The following FRMPD1 variants were observed in gnomAD, a reference collection of about 807,000 sequenced individuals.
FRMPD1 encodes the protein FERM and PDZ domain-containing protein 1.
In FRMPD1, 76 loss-of-function variants were observed where a neutral mutation model predicts 117.8. The ratio of observed to expected loss-of-function variants is 0.65; its 90% CI spans 0.54 to 0.78. The LOEUF is 0.78. Ranked by LOEUF, FRMPD1 falls within the 30% of genes least tolerant of loss-of-function variation. The pLI, the probability that FRMPD1 is intolerant of heterozygous loss-of-function variation, is 0.00. For synonymous variants in FRMPD1, 783 were observed against 770.4 expected (o/e 1.02, Z -0.27); for missense variants, 1,786 against 1,964.5 (o/e 0.91, Z 1.72).
intron 6 of FRMPD1, among the ~76,000 whole-genome samples, chr9:37,720,161 G>T (rs1823330088): frequency 6.6e-6 from 1 of 152,246 alleles, no homozygotes; most frequent in Non-Finnish European, 1.5e-5. Context: ...ATAGACTTGA[G>T]TGAGAAAGGT....
chr9:37,686,158 A>G (rs1821934102), intron 1 of FRMPD1, among the ~76,000 whole-genome samples: 1 of 152,202 alleles, frequency 6.6e-6, no homozygotes, highest in African/African-American at 2.4e-5. Flanking sequence ...ATTACAAGGA[A>G]CTGTTGAAGG....
chr9:37,635,994 C>G, the FRMPD1 span, among the ~76,000 whole-genome samples: 1 of 152,180 alleles, frequency 6.6e-6, no homozygotes, highest in Admixed American at 6.5e-5. Flanking sequence ...GGGCAGGCAG[C>G]GCGTGGGTCT....
intron 4 of FRMPD1, among the ~76,000 whole-genome samples, chr9:37,710,987 G>A (rs1479441866): frequency 5.3e-5 from 8 of 151,240 alleles, no homozygotes; most frequent in Non-Finnish European, 1.2e-4. Flanking sequence ...AAAATTGGGG[G>A]ACATAAATCT....
intron 1 of FRMPD1, among the ~76,000 whole-genome samples, chr9:37,679,299 TC>T (rs1172187703): frequency 6.6e-6 from 1 of 152,214 alleles, no homozygotes; most frequent in African/African-American, 2.4e-5. Context: ...GGCTTTGAGG[TC>T]ATGTTTCTAA....
chr9:37,604,865 G>T, the FRMPD1 span, among the ~76,000 whole-genome samples: 1 of 152,200 alleles, frequency 6.6e-6, no homozygotes, highest in Admixed American at 6.5e-5. Flanking sequence ...CCCCAAAACA[G>T]TAATAGTTAG....
At chr9:37,631,116 G>A in the FRMPD1 span, among the ~76,000 whole-genome samples, 1 of 152,176 alleles carries the variant, frequency 6.6e-6, no homozygotes, top group Non-Finnish European at 1.5e-5. Context: ...GATGTCGCCT[G>A]GGTCTTGAAG....
chr9:37,742,607 CTA>C (rs1412791366), intron 15 of FRMPD1, among the ~76,000 whole-genome samples: 1 of 152,138 alleles, frequency 6.6e-6, no homozygotes, highest in Non-Finnish European at 1.5e-5. Context: ...TGTTTAAAAA[CTA>C]TAGATTTGGC....
At chr9:37,657,778 A>C (rs1307530943) in intron 1 of FRMPD1, among the ~76,000 whole-genome samples, 1 of 152,124 alleles carries the variant, frequency 6.6e-6, no homozygotes, top group Non-Finnish European at 1.5e-5. Context: ...TATTTTAGCT[A>C]CCAGCATAGA....
Position 37,733,539 on chromosome 9 carries a change from C to G in FRMPD1, c.1062C>G (p.Ile354Met). Residue 354 changes from isoleucine to methionine, a missense_variant, in exon 11 of 16, where the codon ATC becomes ATG. Physicochemically the swap from Ile to Met is conservative, Grantham distance 10. Transcript: ENST00000377765. Reference sequence around the variant, plus strand: ...TCCGAAACATGAAAGGCAAAGACATCAAGAAAGCCATTAGCTTCCACATGA... The same window carrying G: ...TCCGAAACATGAAAGGCAAAGACATGAAGAAAGCCATTAGCTTCCACATGA... Reference protein sequence around the residue: ...TLLRNMKGKDIKKAISFHMKR... With the variant: ...TLLRNMKGKDMKKAISFHMKR... The G allele has an allele frequency of 6.2e-7, 1 of 1,613,588 alleles. No homozygotes were observed. Among genetic ancestry groups the G allele is most frequent in the South Asian group, 1.1e-5 (1 of 91,060 alleles).
At chr9:37,630,713 T>C in the FRMPD1 span, among the ~76,000 whole-genome samples, 1 of 152,290 alleles carries the variant, frequency 6.6e-6, no homozygotes, top group South Asian at 2.1e-4. Flanking sequence ...TAAAACTTTC[T>C]TATGACCCCT....
chr9:37,650,687 C>A (rs1451774238), upstream of FRMPD1, among the ~76,000 whole-genome samples: 1 of 152,146 alleles, frequency 6.6e-6, no homozygotes, highest in Non-Finnish European at 1.5e-5. Flanking sequence ...CAGTCTCCCC[C>A]CTGGGTACTC....
At chr9:37,712,761 A>T (rs759517163) in intron 5 of FRMPD1, among the ~76,000 whole-genome samples, 38 of 152,232 alleles carry the variant, frequency 2.5e-4, no homozygotes, top group Non-Finnish European at 4.7e-4. Context: ...AAATCAATTA[A>T]ATATTCAGTG....
intron 1 of FRMPD1, among the ~76,000 whole-genome samples, chr9:37,651,803 G>A (rs1820684385): frequency 6.6e-6 from 1 of 152,254 alleles, no homozygotes; most frequent in African/African-American, 2.4e-5. Flanking sequence ...TATAAAATAG[G>A]GTGGAAGTCG....
chr9:37,701,279 A>G (rs557119420), intron 2 of FRMPD1, among the ~76,000 whole-genome samples: 3 of 152,264 alleles, frequency 2.0e-5, no homozygotes, highest in East Asian at 3.9e-4. Flanking sequence ...TATTAACCCT[A>G]CTCTATGGCT....
At chr9:37,643,531 AT>A in the FRMPD1 span, among the ~76,000 whole-genome samples, 1 of 152,118 alleles carries the variant, frequency 6.6e-6, no homozygotes, top group Non-Finnish European at 1.5e-5. Context: ...TTCAAAAACA[AT>A]TTTTCCTCAT....
chr9:37,733,813 T>TGCTAC lies in FRMPD1; in HGVS notation c.1207_1211dup (p.Met406LeufsTer2). On this transcript the variant is annotated frameshift_variant, in exon 12 of 16. Coordinates refer to ENST00000377765, the MANE Select transcript of FRMPD1 (RefSeq NM_014907.3). LOFTEE classifies it high-confidence loss of function. ...AGACATATGGTGGAAGAATCTTTAA[T>TGCTAC]GCTACTTTAATGGTATGTATTAGAG... 6.5e-7 allele frequency: 1 copy of TGCTAC among 1,550,082 alleles called. No individual in the cohort carries two copies. The highest frequency in any genetic ancestry group is 8.9e-7 in the Non-Finnish European group (1 of 1,121,930).
chr9:37,717,373 A>ATATATG (rs1251052096), intron 5 of FRMPD1, among the ~76,000 whole-genome samples: 40 of 87,466 alleles, frequency 4.6e-4, no homozygotes, highest in Admixed American at 2.3e-3. Context: ...GTGTGTGTAT[A>ATATATG]TATATATATT....
At chr9:37,723,302 C>T (rs1319352766) in intron 6 of FRMPD1, among the ~76,000 whole-genome samples, 1 of 152,174 alleles carries the variant, frequency 6.6e-6, no homozygotes, top group Non-Finnish European at 1.5e-5. Flanking sequence ...AAAACGTGAG[C>T]TGATGGTCAT....
At chr9:37,738,207 G>A (rs1824222423) in intron 14 of FRMPD1, among the ~76,000 whole-genome samples, 1 of 152,222 alleles carries the variant, frequency 6.6e-6, no homozygotes, top group South Asian at 2.1e-4. Context: ...ATGGGAAGAG[G>A]TGATCAATAG....
Sources: allele counts gnomAD v4.1 joint callset (sites outside exome capture counted in the v4.1 genomes callset), GRCh38; gene constraint gnomAD v4.1.1; transcripts MANE v1.5; gene names NCBI Gene and HGNC (gene_info 2026-07-23, HGNC 2026-07-21).